The following DDX4 variants were observed in gnomAD, a reference collection of about 807,000 sequenced individuals.
The protein encoded by DDX4 is probable ATP-dependent RNA helicase DDX4.
In DDX4, 25 loss-of-function variants were observed where a neutral mutation model predicts 100.0. The ratio of observed to expected loss-of-function variants is 0.25; its 90% CI spans 0.18 to 0.35. The LOEUF is 0.35. DDX4 is among the 10% of genes least tolerant of loss of function. The probability of loss-of-function intolerance (pLI) is 1.00; values close to 1 mark genes in which losing one functional copy is unlikely to be tolerated. For synonymous variants in DDX4, 259 were observed against 275.7 expected (o/e 0.94, Z 0.60); for missense variants, 635 against 882.4 (o/e 0.72, Z 3.55).
In DDX4 at chr5:55,751,571, C is replaced by T. The variant is rs76349783; in HGVS notation, c.127+5350C>T. 1.4e-3 allele frequency among the ~76,000 whole-genome samples: 220 copies of T among 152,356 alleles called. 3 individuals carry two copies. The East Asian group carries it at 0.036, about 25-fold the overall frequency. On this transcript the variant is annotated intron_variant, in intron 3 of 21. Transcript: ENST00000505374. ...CTATGCATGTATCTGACTGTCTCTT[C>T]ATATACATGTTGTTATTCTGTAAGT... is the stretch of plus-strand genomic sequence containing the variant.
chr5:55,771,165 C>T (rs372665576), intron 7 of DDX4, among the ~76,000 whole-genome samples: 16 of 152,274 alleles, frequency 1.1e-4, no homozygotes, highest in African/African-American at 3.9e-4. Context: ...GACAGGTACA[C>T]ATACCATAAG....
chr5:55,786,697 T>G, intron 14 of DDX4, 27 bp downstream of exon 14: 2 of 1,596,196 alleles, frequency 1.3e-6, no homozygotes, highest in Non-Finnish European at 1.7e-6. Context: ...ATGTCCAAAC[T>G]GTTAGGTTTT....
At chr5:55,797,011 AT>A (rs949551711) in intron 17 of DDX4, among the ~76,000 whole-genome samples, 9 of 150,910 alleles carry the variant, frequency 6.0e-5, no homozygotes, top group Admixed American at 2.0e-4. Context: ...CACCTGGCTA[AT>A]TTTTTATTTT....
At chr5:55,809,135 C>T (rs576582276) in intron 18 of DDX4, among the ~76,000 whole-genome samples, 1 of 152,334 alleles carries the variant, frequency 6.6e-6, no homozygotes, top group East Asian at 1.9e-4. Context: ...ATATAATCTC[C>T]TGGTGTGCCC....
At chr5:55,810,313 C>T (rs1295833083) in intron 18 of DDX4, among the ~76,000 whole-genome samples, 1 of 152,140 alleles carries the variant, frequency 6.6e-6, no homozygotes, top group Non-Finnish European at 1.5e-5. Context: ...CCACATTGGC[C>T]AGGCTGGTCT....
At position 55,760,199 on chromosome 5, in the gene DDX4, G is replaced by A; in HGVS notation, c.128-1G>A. The A allele has an allele frequency of 6.4e-7, 1 of 1,570,630 alleles. No individual in the cohort carries two copies. The highest frequency in any genetic ancestry group is 8.6e-7 in the Non-Finnish European group (1 of 1,163,448). ...TTACTTCAAAATGTTGTTTGCTTTA[G>A]AAATGGATGATGGACCTTCTCGAAG... is the stretch of plus-strand genomic sequence containing the variant. On this transcript the variant is annotated splice_acceptor_variant, in intron 3 of 21. Transcript: ENST00000505374. LOFTEE classifies it high-confidence loss of function.
intron 18 of DDX4, among the ~76,000 whole-genome samples, chr5:55,804,817 G>A (rs1743586814): frequency 6.6e-6 from 1 of 152,202 alleles, no homozygotes; most frequent in South Asian, 2.1e-4. Context: ...CTCTTTTTTG[G>A]TTCCATATGA....
At position 55,785,171 on chromosome 5, in the gene DDX4, C is replaced by G; in HGVS notation, c.626-126C>G. Reference sequence around the variant, plus strand: ...TGTACAAGGTTCTATTTAATTGTTTCAAGTATTTGTAAGAAGGGAATTTAA... The same window carrying G: ...TGTACAAGGTTCTATTTAATTGTTTGAAGTATTTGTAAGAAGGGAATTTAA... On this transcript the variant is annotated intron_variant, in intron 10 of 21. Transcript: ENST00000505374. The G allele has an allele frequency of 4.3e-6, 3 of 700,618 alleles. No individual in the cohort carries two copies. In the East Asian group the frequency reaches 7.4e-5, roughly 17 times the overall value. 43.4% of individuals were successfully genotyped at this position (700,618 alleles called of 1,614,324 possible). A position where few individuals can be genotyped will look rare whatever the true frequency, so the allele number is the denominator to read the frequency against.
At chr5:55,769,869 C>CT (rs113402904) in intron 7 of DDX4, among the ~76,000 whole-genome samples, 5,032 of 141,374 alleles carry the variant, frequency 0.036, 90 homozygotes, top group South Asian at 0.057. Flanking sequence ...CCTTCTTTTA[C>CT]TTTTTTTTTT....
At chr5:55,812,851 A>T (rs1744194984) in intron 18 of DDX4, among the ~76,000 whole-genome samples, 1 of 151,444 alleles carries the variant, frequency 6.6e-6, no homozygotes, top group East Asian at 1.9e-4. Flanking sequence ...TAGTGAAAGC[A>T]GGGGCTTTTA....
At chr5:55,755,206 G>A (rs1438262306) in intron 3 of DDX4, among the ~76,000 whole-genome samples, 3 of 152,062 alleles carry the variant, frequency 2.0e-5, no homozygotes, top group South Asian at 2.1e-4. Context: ...GTTCATTGAC[G>A]AGTAGTAGAA....
rs991208202 is a variant in DDX4, at chr5:55,779,374, C to T, written c.395-590C>T. On this transcript the variant is annotated intron_variant, in intron 7 of 21. Transcript: ENST00000505374. ...GTATAAATAGTTGCAAGTTTACAAACGGAACAGTCTTTATTTCCTGCCCAG... is the reference window on the plus strand; with the variant it reads ...GTATAAATAGTTGCAAGTTTACAAATGGAACAGTCTTTATTTCCTGCCCAG... Among the ~76,000 whole-genome samples the T allele has an allele frequency of 7.9e-5, 12 of 152,260 alleles. No individual in the cohort carries two copies. In the South Asian group the frequency reaches 8.3e-4, roughly 11 times the overall value.
intron 4 of DDX4, among the ~76,000 whole-genome samples, chr5:55,760,881 C>G (rs961123640): frequency 3.9e-5 from 6 of 152,100 alleles, no homozygotes; most frequent in Admixed American, 2.0e-4. Context: ...ATTAGAACTT[C>G]AGGTTAAATT....
At chr5:55,744,231 C>T (rs1759133629) in intron 2 of DDX4, among the ~76,000 whole-genome samples, 1 of 152,078 alleles carries the variant, frequency 6.6e-6, no homozygotes, top group Admixed American at 6.6e-5. Context: ...AAGAAGCCTA[C>T]CTTGGTGCAT....
chr5:55,785,415 A>G, intron 11 of DDX4, 32 bp from the exon 12 acceptor site: 1 of 1,597,742 alleles, frequency 6.3e-7, no homozygotes, highest in Non-Finnish European at 8.5e-7. Flanking sequence ...TTTAAAAAAC[A>G]TGTATCTCTT....
intron 2 of DDX4, chr5:55,742,116 G>A (rs886906799): frequency 1.1e-5 from 5 of 454,974 alleles, no homozygotes; most frequent in African/African-American, 4.0e-5. Context: ...TGTACCACCT[G>A]GGAATAGAAC....
intron 17 of DDX4, among the ~76,000 whole-genome samples, chr5:55,795,867 G>T (rs1422237248): frequency 6.6e-6 from 1 of 152,144 alleles, no homozygotes; most frequent in African/African-American, 2.4e-5. Context: ...GGGAAAATTG[G>T]CTCACACAAT....
At chr5:55,759,930 A>G (rs1164528672) in intron 3 of DDX4, among the ~76,000 whole-genome samples, 1 of 152,134 alleles carries the variant, frequency 6.6e-6, no homozygotes. Flanking sequence ...CAGGGAATAG[A>G]AGGGACTTTT....
rs537833056 is a variant in DDX4 at position 55,807,389 on chromosome 5, C to T, written c.1616-6284C>T. On this transcript the variant is annotated intron_variant, in intron 18 of 21. Coordinates refer to ENST00000505374, the MANE Select transcript of DDX4 (RefSeq NM_024415.3). ...TATGATGTTGGCTGGTTATTTTGCT[C>T]GTTAGTTGATGCAGTTTCTTCCTAG... Among the ~76,000 whole-genome samples the T allele has an allele frequency of 5.7e-3, 865 of 152,100 alleles. 11 individuals carry two copies. Among genetic ancestry groups the T allele is most frequent in the African/African-American group, 0.019 (803 of 41,486 alleles).
Sources: gnomAD v4.1 joint callset for allele counts (sites outside exome capture counted in the v4.1 genomes callset) on GRCh38, gnomAD v4.1.1 for gene constraint, MANE v1.5 for transcripts, NCBI Gene and HGNC (gene_info 2026-07-23, HGNC 2026-07-21) for gene names.